Variants in DRD3 observed in about 807,000 individuals in gnomAD.
DRD3 encodes the protein D(3) dopamine receptor.
A neutral mutation model predicts 36.3 loss-of-function variants in DRD3; 19 were observed. The observed-to-expected ratio is 0.52, with a 90% CI of 0.36 to 0.77. DRD3 has a LOEUF of 0.77. Ranked by LOEUF, DRD3 falls within the 30% of genes least tolerant of loss-of-function variation. DRD3 has a pLI of 0.00. For missense variants in DRD3, 465 were observed against 505.3 expected, an observed-to-expected ratio of 0.92 and a Z score of 0.77; for synonymous variants, 195 against 203.7, an observed-to-expected ratio of 0.96 and a Z score of 0.36.
chr3:114,176,361 G>A (rs1208840514), intron 1 of DRD3, among the ~76,000 whole-genome samples: 2 of 152,132 alleles, frequency 1.3e-5, no homozygotes, highest in African/African-American at 4.8e-5. Flanking sequence ...ACTTTGGGAG[G>A]CTGAGATGGA....
rs77498054 is a variant in DRD3 at position 114,171,879 on chromosome 3, C to T, written c.114G>A (p.Ala38=). ...PHAYYALSYC[A]LILAIVFGNG... ...TGCCGAAGACGATGGCCAGGATGAG[C>T]GCGCAGTAGGAGAGGGCATAGTAGG... is the stretch of plus-strand genomic sequence containing the variant. Residue 38 remains alanine (A), a synonymous_variant, in exon 2 of 7, where the codon GCG becomes GCA. Coordinates refer to ENST00000383673, the MANE Select transcript of DRD3 (RefSeq NM_000796.6). 600 of 1,613,300 alleles carry T rather than the reference C, an allele frequency of 3.7e-4. No homozygotes were observed. The highest frequency in any genetic ancestry group is 2.0e-3 in the Middle Eastern group (12 of 6,054).
intron 5 of DRD3, among the ~76,000 whole-genome samples, chr3:114,134,756 CT>C (rs1470550065): frequency 1.3e-4 from 19 of 151,996 alleles, no homozygotes; most frequent in African/African-American, 4.1e-4. Context: ...CAGAGGTATT[CT>C]TAGGAATTCT....
intron 5 of DRD3, among the ~76,000 whole-genome samples, chr3:114,138,231 G>A (rs2077492833): frequency 6.6e-6 from 1 of 151,000 alleles, no homozygotes; most frequent in Admixed American, 6.6e-5. Context: ...CACCCAAATT[G>A]GATCTGTCTT....
At chr3:114,198,357 G>A (rs375375708) in intron 1 of DRD3, among the ~76,000 whole-genome samples, 4 of 151,810 alleles carry the variant, frequency 2.6e-5, no homozygotes, top group Non-Finnish European at 4.4e-5. Context: ...ACCTGGTCTC[G>A]AAGTCCTGAG....
upstream of DRD3, among the ~76,000 whole-genome samples, chr3:114,180,417 G>A (rs1444591189): frequency 2.0e-5 from 3 of 152,020 alleles, no homozygotes; most frequent in Non-Finnish European, 4.4e-5. Context: ...TGGAGGGTAC[G>A]CCCTAATCCA....
At chr3:114,183,329 A>G (rs1056359493), upstream of DRD3, among the ~76,000 whole-genome samples, 9 of 152,218 alleles carry the variant, frequency 5.9e-5, no homozygotes, top group African/African-American at 2.2e-4. Context: ...TTGAGACACA[A>G]TTTGTGGCCT....
chr3:114,180,573 T>G (rs2077941542), upstream of DRD3, among the ~76,000 whole-genome samples: 1 of 152,140 alleles, frequency 6.6e-6, no homozygotes, highest in South Asian at 2.1e-4. Flanking sequence ...GATTTTGGAT[T>G]TCTACCCTTC....
At chr3:114,188,133 T>C (rs1429313257) in intron 1 of DRD3, among the ~76,000 whole-genome samples, 5 of 151,878 alleles carry the variant, frequency 3.3e-5, no homozygotes, top group Non-Finnish European at 5.9e-5. Context: ...TGATAAAGAG[T>C]TTATTATCTC....
chr3:114,166,645 TG>T (rs2077787952), intron 2 of DRD3, among the ~76,000 whole-genome samples: 1 of 152,200 alleles, frequency 6.6e-6, no homozygotes, highest in African/African-American at 2.4e-5. Context: ...TACAGCCTCA[TG>T]TATTCTGTTG....
chr3:114,161,872 A>T (rs1577608955), intron 2 of DRD3, among the ~76,000 whole-genome samples: 1 of 152,238 alleles, frequency 6.6e-6, no homozygotes, highest in South Asian at 2.1e-4. Flanking sequence ...TTTCAATATT[A>T]TATCTACTCT....
At chr3:114,185,568 T>C (rs564957700) in intron 1 of DRD3, among the ~76,000 whole-genome samples, 1 of 152,186 alleles carries the variant, frequency 6.6e-6, no homozygotes, top group Non-Finnish European at 1.5e-5. Flanking sequence ...TGTTTTAAAG[T>C]CTTTGTCTAG....
Position 114,160,382 on chromosome 3 carries a change from G to A in DRD3, c.271-515C>T, listed in dbSNP as rs186852571. On this transcript the variant is annotated intron_variant, in intron 2 of 6. Transcript: ENST00000383673. ...CTGCCTCAGCCTCCCAAGTAGTTGG[G>A]AATACAGGCATGCGCCACCAAGCTG... 3.1e-3 allele frequency among the ~76,000 whole-genome samples: 479 copies of A among 152,220 alleles called. 3 individuals are homozygous for A. Among genetic ancestry groups the A allele is most frequent in the African/African-American group, 0.011 (454 of 41,534 alleles).
At chr3:114,176,615 A>C (rs1191988074) in intron 1 of DRD3, among the ~76,000 whole-genome samples, 2 of 152,166 alleles carry the variant, frequency 1.3e-5, no homozygotes, top group Non-Finnish European at 2.9e-5. Context: ...AAAGTAAAAA[A>C]AAACCCACAA....
intron 1 of DRD3, among the ~76,000 whole-genome samples, chr3:114,193,275 T>C (rs1430478873): frequency 1.3e-5 from 2 of 151,552 alleles, no homozygotes; most frequent in African/African-American, 4.9e-5. Context: ...TGAGACTCCG[T>C]CTCAAAACAA....
chr3:114,147,559 T>C lies in DRD3; in HGVS notation c.384-2A>G. 1 of 1,606,182 alleles carries C rather than the reference T, an allele frequency of 6.2e-7. No homozygotes were observed. The highest frequency in any genetic ancestry group is 8.5e-7 in the Non-Finnish European group (1 of 1,173,568). On this transcript the variant is annotated splice_acceptor_variant, in intron 3 of 6. Coordinates refer to ENST00000383673, the MANE Select transcript of DRD3 (RefSeq NM_000796.6). LOFTEE classifies it high-confidence loss of function. ...ACGGGCATGACCACTGCAGTGTACCTGAAAAAGCAAGGGGAGAGGGGATAG... is the reference window on the plus strand; with the variant it reads ...ACGGGCATGACCACTGCAGTGTACCCGAAAAAGCAAGGGGAGAGGGGATAG...
At chr3:114,153,294 T>G (rs755506618) in intron 3 of DRD3, among the ~76,000 whole-genome samples, 23 of 151,724 alleles carry the variant, frequency 1.5e-4, no homozygotes, top group Non-Finnish European at 3.1e-4. Context: ...CAGTGCCCAG[T>G]GATTAATACT....
At chr3:114,141,063 C>T (rs1031078259) in intron 4 of DRD3, among the ~76,000 whole-genome samples, 5 of 152,168 alleles carry the variant, frequency 3.3e-5, no homozygotes, top group Non-Finnish European at 7.4e-5. Flanking sequence ...CGGAATTTTG[C>T]CCTTGTTGCC....
chr3:114,197,633 CAT>C (rs1175565946), intron 1 of DRD3, among the ~76,000 whole-genome samples: 2 of 152,120 alleles, frequency 1.3e-5, no homozygotes, highest in Non-Finnish European at 1.5e-5. Flanking sequence ...TAGTACAAGA[CAT>C]GGGTTGAAGT....
At chr3:114,146,698 C>CAA (rs72463214) in intron 4 of DRD3, among the ~76,000 whole-genome samples, 12 of 58,120 alleles carry the variant, frequency 2.1e-4, no homozygotes, top group Admixed American at 4.1e-4. Flanking sequence ...GACTTGGTCT[C>CAA]AAAAAAAAAA....
Sources: gnomAD v4.1 joint callset for allele counts (sites outside exome capture counted in the v4.1 genomes callset) on GRCh38, gnomAD v4.1.1 for gene constraint, MANE v1.5 for transcripts, NCBI Gene and HGNC (gene_info 2026-07-23, HGNC 2026-07-21) for gene names.